The following SCHIP1 variants were observed in gnomAD, a reference collection of about 807,000 sequenced individuals.
SCHIP1 encodes schwannomin interacting protein 1.
SCHIP1 carries 8 observed loss-of-function variants against 29.7 expected under a neutral mutation model. The observed-to-expected ratio is 0.27, with a 90% CI of 0.16 to 0.49. The LOEUF (loss-of-function observed/expected upper bound fraction) is 0.49, where lower values mean the gene tolerates loss of function less well. Ranked by LOEUF, SCHIP1 falls within the 20% of genes least tolerant of loss-of-function variation. The pLI is 0.99. For missense variants in SCHIP1, 193 were observed against 294.6 expected (o/e 0.66, Z 2.52); for synonymous variants, 76 against 94.9 (o/e 0.80, Z 1.16).
the SCHIP1 span, among the ~76,000 whole-genome samples, chr3:159,346,048 G>T: frequency 6.6e-6 from 1 of 151,842 alleles, no homozygotes; most frequent in Non-Finnish European, 1.5e-5. Flanking sequence ...ACAAAAATTA[G>T]CTGGGCATGG....
At chr3:159,432,285 GATGT>G in the SCHIP1 span, among the ~76,000 whole-genome samples, 9 of 114,180 alleles carry the variant, frequency 7.9e-5, no homozygotes, top group Admixed American at 1.9e-4. Flanking sequence ...CAGAGTAGGT[GATGT>G]GTGTGTGTGT....
chr3:159,367,131 T>C, the SCHIP1 span, among the ~76,000 whole-genome samples: 1 of 152,022 alleles, frequency 6.6e-6, no homozygotes, highest in African/African-American at 2.4e-5. Context: ...TCTCAAACTC[T>C]CTTTAAGAGC....
At chr3:159,463,741 G>GAT in the SCHIP1 span, among the ~76,000 whole-genome samples, 17,915 of 149,312 alleles carry the variant, frequency 0.12, 3,400 homozygotes, top group African/African-American at 0.41. Context: ...AACAGAATGA[G>GAT]ATATATATAT....
the SCHIP1 span, among the ~76,000 whole-genome samples, chr3:159,487,365 A>C: frequency 6.6e-6 from 1 of 151,350 alleles, no homozygotes; most frequent in Non-Finnish European, 1.5e-5. Context: ...TTACGGCTGG[A>C]GGTTTGTCTC....
the SCHIP1 span, among the ~76,000 whole-genome samples, chr3:159,707,472 A>AT: frequency 1.3e-5 from 2 of 152,238 alleles, no homozygotes; most frequent in Non-Finnish European, 2.9e-5. Flanking sequence ...TGTAGTGTTT[A>AT]TTAAACTTTA....
chr3:159,508,824 T>C, the SCHIP1 span, among the ~76,000 whole-genome samples: 3 of 152,212 alleles, frequency 2.0e-5, no homozygotes, highest in Non-Finnish European at 2.9e-5. Flanking sequence ...TGCACTGTGG[T>C]CTGAGAGACA....
chr3:159,656,540 G>A, the SCHIP1 span, among the ~76,000 whole-genome samples: 6 of 152,070 alleles, frequency 3.9e-5, no homozygotes, highest in African/African-American at 9.7e-5. Context: ...CCTATACAAC[G>A]GCATGGTGTT....
At chr3:159,575,868 C>T in the SCHIP1 span, among the ~76,000 whole-genome samples, 42 of 152,218 alleles carry the variant, frequency 2.8e-4, no homozygotes, top group African/African-American at 9.6e-4. Flanking sequence ...TATTTTTCCC[C>T]ACCACAGATT....
At chr3:159,611,282 A>G in the SCHIP1 span, among the ~76,000 whole-genome samples, 30 of 152,152 alleles carry the variant, frequency 2.0e-4, no homozygotes, top group African/African-American at 7.2e-4. Context: ...GAGATAGTTG[A>G]GAAGTTGTAG....
the SCHIP1 span, among the ~76,000 whole-genome samples, chr3:159,340,638 T>C: frequency 6.6e-6 from 1 of 152,204 alleles, no homozygotes; most frequent in South Asian, 2.1e-4. Flanking sequence ...CCACCTTTAT[T>C]CTAAATCTTT....
intron 2 of SCHIP1, among the ~76,000 whole-genome samples, chr3:159,875,368 T>TC (rs1419171504): frequency 6.6e-6 from 1 of 152,000 alleles, no homozygotes; most frequent in Non-Finnish European, 1.5e-5. Flanking sequence ...TCTTATGAAT[T>TC]TTTTTTTATC....
chr3:159,609,108 G>A, the SCHIP1 span, among the ~76,000 whole-genome samples: 12 of 152,288 alleles, frequency 7.9e-5, no homozygotes, highest in Middle Eastern at 3.4e-3. Flanking sequence ...CATAAACAAA[G>A]TTCTCCAAGT....
the SCHIP1 span, among the ~76,000 whole-genome samples, chr3:159,318,429 A>G: frequency 1.3e-5 from 2 of 152,322 alleles, no homozygotes; most frequent in African/African-American, 4.8e-5. Flanking sequence ...TCTTCCATGT[A>G]AAGTGCACAA....
At chr3:159,314,679 C>T in the SCHIP1 span, among the ~76,000 whole-genome samples, 1 of 152,170 alleles carries the variant, frequency 6.6e-6, no homozygotes, top group Non-Finnish European at 1.5e-5. Context: ...CAGGAAAGAA[C>T]CTGGATCTTT....
At chr3:159,357,048 C>T in the SCHIP1 span, among the ~76,000 whole-genome samples, 5 of 152,186 alleles carry the variant, frequency 3.3e-5, no homozygotes, top group Non-Finnish European at 7.4e-5. Flanking sequence ...ACTCCCATTA[C>T]TTGAATTTGG....
chr3:159,572,218 G>T, the SCHIP1 span, among the ~76,000 whole-genome samples: 198 of 152,232 alleles, frequency 1.3e-3, no homozygotes, highest in African/African-American at 4.6e-3. Flanking sequence ...ATGTTATGGT[G>T]TCAATTTTAG....
chr3:159,864,470 T>TACACACACACACACACACACACAC (rs58371525), intron 1 of SCHIP1, among the ~76,000 whole-genome samples: 2 of 139,836 alleles, frequency 1.4e-5, no homozygotes, highest in East Asian at 4.3e-4. Flanking sequence ...ATGGCTGTAC[T>TACACACACACACACACACACACAC]ACACACACAC....
the SCHIP1 span, among the ~76,000 whole-genome samples, chr3:159,672,763 G>A: frequency 2.6e-5 from 4 of 152,128 alleles, no homozygotes; most frequent in Non-Finnish European, 5.9e-5. Flanking sequence ...AATCTTACTG[G>A]TCCTCAGTCT....
At chr3:159,306,301 A>ATTTAATAATGCCTATG in the SCHIP1 span, among the ~76,000 whole-genome samples, 11,376 of 93,652 alleles carry the variant, frequency 0.12, 448 homozygotes, top group East Asian at 0.17. Context: ...CATGAGGAGT[A>ATTTAATAATGCCTATG]TTTAATAATG....
Sources: gnomAD v4.1 joint callset for allele counts (sites outside exome capture counted in the v4.1 genomes callset) on GRCh38, gnomAD v4.1.1 for gene constraint, MANE v1.5 for transcripts, NCBI Gene and HGNC (gene_info 2026-07-23, HGNC 2026-07-21) for gene names.